The following TMEM178B variants were observed in gnomAD, a reference collection of about 807,000 sequenced individuals.
TMEM178B encodes transmembrane protein 178B.
TMEM178B carries 5 observed loss-of-function variants against 31.0 expected under a neutral mutation model. The ratio of observed to expected loss-of-function variants is 0.16; its 90% CI spans 0.08 to 0.34. TMEM178B has a LOEUF of 0.34. Ranked by LOEUF, TMEM178B falls within the 10% of genes least tolerant of loss-of-function variation. TMEM178B has a pLI of 1.00. For synonymous variants in TMEM178B, 164 were observed against 164.0 expected, an observed-to-expected ratio of 1.00 and a Z score of 0.00; for missense variants, 275 against 400.3, an observed-to-expected ratio of 0.69 and a Z score of 2.67.
At chr7:141,138,980 T>G (rs936111893) in intron 1 of TMEM178B, among the ~76,000 whole-genome samples, 2 of 150,878 alleles carry the variant, frequency 1.3e-5, no homozygotes, top group Non-Finnish European at 2.9e-5. Context: ...TGAGACTCCA[T>G]GTCAAAAAAA....
intron 1 of TMEM178B, among the ~76,000 whole-genome samples, chr7:141,103,537 C>G (rs1795092442): frequency 6.6e-6 from 1 of 152,150 alleles, no homozygotes; most frequent in African/African-American, 2.4e-5. Flanking sequence ...TTTGAGGGCT[C>G]TATCTCATTT....
intron 1 of TMEM178B, among the ~76,000 whole-genome samples, chr7:141,187,379 A>G (rs979124767): frequency 3.3e-5 from 5 of 151,972 alleles, no homozygotes; most frequent in Non-Finnish European, 7.4e-5. Context: ...CTTTGCTATT[A>G]TGAATAGTGC....
rs1248329874 is a variant in TMEM178B, at chr7:141,474,256, G to T, written c.*3470G>T. The T allele has an allele frequency of 1.3e-5, 2 of 152,056 alleles. No homozygotes were observed. Among genetic ancestry groups the T allele is most frequent in the East Asian group, 3.9e-4 (2 of 5,168 alleles). The allele number at this position is 152,056 out of a possible 1,614,324, so 9.4% of individuals were successfully genotyped here. On this transcript the variant is annotated 3_prime_UTR_variant, in exon 4 of 4. Coordinates refer to ENST00000565468, the MANE Select transcript of TMEM178B (RefSeq NM_001195278.2). ...CCCATATCTTTTTCTCCTTATTTTG[G>T]GAGTTACGGTTTCTTCTTCTGTTTC...
At chr7:141,296,969 A>C (rs114510598) in intron 2 of TMEM178B, 3 of 152,350 alleles carry the variant, frequency 2.0e-5, no homozygotes, top group African/African-American at 7.2e-5. Context: ...GAGAAAGCCT[A>C]CAATGGTGGT....
chr7:141,110,224 G>C (rs1464556514), intron 1 of TMEM178B, among the ~76,000 whole-genome samples: 1 of 152,120 alleles, frequency 6.6e-6, no homozygotes, highest in African/African-American at 2.4e-5. Context: ...TGTATCAAAT[G>C]CTAAGTAGCT....
chr7:141,190,152 C>T (rs757314555), intron 1 of TMEM178B, among the ~76,000 whole-genome samples: 12 of 152,178 alleles, frequency 7.9e-5, no homozygotes, highest in Admixed American at 3.3e-4. Context: ...TTGAAAATAA[C>T]AGCAGTAGAA....
intron 1 of TMEM178B, among the ~76,000 whole-genome samples, chr7:141,196,705 TG>T (rs1481256072): frequency 1.3e-5 from 2 of 152,156 alleles, no homozygotes; most frequent in African/African-American, 4.8e-5. Context: ...AAACTATATT[TG>T]GTGCTGAGCA....
chr7:141,482,971 A>C (rs1020801602), downstream of TMEM178B, among the ~76,000 whole-genome samples: 2 of 151,990 alleles, frequency 1.3e-5, no homozygotes, highest in African/African-American at 2.4e-5. Flanking sequence ...CTATGTGGCT[A>C]ACCTTAGTTA....
chr7:141,362,878 A>T (rs1409576936), intron 2 of TMEM178B, among the ~76,000 whole-genome samples: 1 of 152,230 alleles, frequency 6.6e-6, no homozygotes, highest in African/African-American at 2.4e-5. Flanking sequence ...GGGTCAGTGC[A>T]TGTCATCCAG....
chr7:141,361,804 G>A (rs1799922569), intron 2 of TMEM178B, among the ~76,000 whole-genome samples: 1 of 152,150 alleles, frequency 6.6e-6, no homozygotes, highest in South Asian at 2.1e-4. Context: ...TCAAGAGTAG[G>A]AAAACAAAAG....
chr7:141,334,211 G>A (rs1431370773), intron 2 of TMEM178B, among the ~76,000 whole-genome samples: 1 of 152,218 alleles, frequency 6.6e-6, no homozygotes, highest in Non-Finnish European at 1.5e-5. Flanking sequence ...GGCTTGAGAT[G>A]CAGTATAGGG....
chr7:141,283,521 C>G (rs1176796987), intron 2 of TMEM178B, among the ~76,000 whole-genome samples: 1 of 152,216 alleles, frequency 6.6e-6, no homozygotes, highest in Non-Finnish European at 1.5e-5. Context: ...GTGTGCATTT[C>G]TCTAGAAATC....
rs890459289 is a variant in TMEM178B, at chr7:141,479,596, G to C, written c.*8810G>C. On this transcript the variant is annotated 3_prime_UTR_variant, in exon 4 of 4. Coordinates refer to ENST00000565468, the MANE Select transcript of TMEM178B (RefSeq NM_001195278.2). ...CTGGGTATTCTCAAAGCATTTCAAC[G>C]GTCAGTATAACAAGGTTTGATTGAT... 8 of 152,146 alleles carry C rather than the reference G, an allele frequency of 5.3e-5. No individual in the cohort carries two copies. Among genetic ancestry groups the C allele is most frequent in the Non-Finnish European group, 1.2e-4 (8 of 68,032 alleles). 9.4% of individuals were successfully genotyped at this position (152,146 alleles called of 1,614,324 possible).
At chr7:141,160,814 A>T (rs555543240) in intron 1 of TMEM178B, among the ~76,000 whole-genome samples, 2 of 152,252 alleles carry the variant, frequency 1.3e-5, no homozygotes, top group Non-Finnish European at 2.9e-5. Flanking sequence ...CTGCATAGAG[A>T]TTCAATTATT....
chr7:141,443,777 A>G (rs986586036), intron 3 of TMEM178B, among the ~76,000 whole-genome samples: 2 of 152,190 alleles, frequency 1.3e-5, no homozygotes, highest in Non-Finnish European at 2.9e-5. Flanking sequence ...TGGAGTAGCT[A>G]TCTAATTTGG....
chr7:141,176,386 CGATGTTCATCAGGGCTATTGGCCT>C, intron 1 of TMEM178B, among the ~76,000 whole-genome samples: 1 of 152,122 alleles, frequency 6.6e-6, no homozygotes, highest in South Asian at 2.1e-4. Flanking sequence ...ATTTTCACAT[CGATGTTCATCAGGGCTATTGGCCT>C]GAAATTTTCT....
chr7:141,491,038 T>A, the TMEM178B span, among the ~76,000 whole-genome samples: 2 of 152,032 alleles, frequency 1.3e-5, no homozygotes, highest in East Asian at 3.9e-4. Flanking sequence ...TACTTTTTTA[T>A]TTTTTTTGAG....
At chr7:141,135,303 C>G (rs1235034448) in intron 1 of TMEM178B, among the ~76,000 whole-genome samples, 2 of 152,162 alleles carry the variant, frequency 1.3e-5, no homozygotes, top group Non-Finnish European at 2.9e-5. Context: ...ACACCCCACT[C>G]TCAGCATTGG....
chr7:141,291,339 A>T, intron 2 of TMEM178B, among the ~76,000 whole-genome samples: 1 of 152,102 alleles, frequency 6.6e-6, no homozygotes, highest in East Asian at 1.9e-4. Context: ...TATTTCTTAT[A>T]AGAAGCAGCT....
Sources: allele counts gnomAD v4.1 joint callset (sites outside exome capture counted in the v4.1 genomes callset), GRCh38; gene constraint gnomAD v4.1.1; transcripts MANE v1.5; gene names NCBI Gene and HGNC (gene_info 2026-07-23, HGNC 2026-07-21).